Variants in EXT1 observed in about 807,000 individuals in gnomAD.
The protein encoded by EXT1 is exostosin-1.
In EXT1, 20 loss-of-function variants were observed where a neutral mutation model predicts 82.5. The ratio of observed to expected loss-of-function variants is 0.24; its 90% CI spans 0.17 to 0.35. EXT1 has a LOEUF of 0.35. Among genes scored for constraint, EXT1 ranks in the 10% least tolerant of loss-of-function variants. EXT1 has a pLI of 1.00. For missense variants in EXT1, 757 were observed against 936.5 expected, an observed-to-expected ratio of 0.81 and a Z score of 2.50; for synonymous variants, 348 against 350.8, an observed-to-expected ratio of 0.99 and a Z score of 0.09.
At chr8:117,957,938 C>T (rs796371192) in intron 1 of EXT1, among the ~76,000 whole-genome samples, 5 of 152,278 alleles carry the variant, frequency 3.3e-5, no homozygotes, top group African/African-American at 9.6e-5. Flanking sequence ...TTATCACCAA[C>T]AGATGTTGAG....
chr8:117,997,302 T>C (rs895967549), intron 1 of EXT1, among the ~76,000 whole-genome samples: 5 of 142,770 alleles, frequency 3.5e-5, no homozygotes, highest in African/African-American at 7.8e-5. Context: ...TAATATACTT[T>C]ATATATATAT....
chr8:117,998,015 CTTTTT>C (rs11324491), intron 1 of EXT1, among the ~76,000 whole-genome samples: 1 of 125,656 alleles, frequency 8.0e-6, no homozygotes, highest in Admixed American at 8.4e-5. Flanking sequence ...TTTTATTTTA[CTTTTT>C]TTTTTTTTTT....
chr8:118,041,935 G>A (rs1212807918), intron 1 of EXT1, among the ~76,000 whole-genome samples: 3 of 144,414 alleles, frequency 2.1e-5, no homozygotes, highest in Admixed American at 1.4e-4. Flanking sequence ...GTGACAGAGC[G>A]AGACTCTGCC....
At position 117,812,972 on chromosome 8, in the gene EXT1, G is replaced by A. The variant is rs1222498581; in HGVS notation, c.1633-11C>T. On this transcript the variant is annotated splice_polypyrimidine_tract_variant and intron_variant, in intron 7 of 10. Transcript: ENST00000378204. Reference sequence around the variant, plus strand: ...ACGGCTGCTCATAACCTGGGAGGAAGTAGAAGTAGGCAGTGGGGAGGGAAT... The same window carrying A: ...ACGGCTGCTCATAACCTGGGAGGAAATAGAAGTAGGCAGTGGGGAGGGAAT... 4.3e-6 allele frequency: 7 copies of A among 1,611,170 alleles called. No individual in the cohort carries two copies. The highest frequency in any genetic ancestry group is 2.2e-5 in the East Asian group (1 of 44,814).
chr8:117,849,157 T>C (rs1812414279), intron 1 of EXT1, among the ~76,000 whole-genome samples: 1 of 152,210 alleles, frequency 6.6e-6, no homozygotes, highest in Non-Finnish European at 1.5e-5. Flanking sequence ...AGCATTCAAA[T>C]AGCCCCTTCT....
chr8:117,817,649 A>C (rs993948917), intron 7 of EXT1, among the ~76,000 whole-genome samples: 1 of 152,204 alleles, frequency 6.6e-6, no homozygotes, highest in African/African-American at 2.4e-5. Context: ...GGGGTGGTCA[A>C]GACTTACAAA....
At chr8:118,094,937 G>A (rs1440188015) in intron 1 of EXT1, among the ~76,000 whole-genome samples, 1 of 152,184 alleles carries the variant, frequency 6.6e-6, no homozygotes, top group Non-Finnish European at 1.5e-5. Flanking sequence ...CTTCTCTCCA[G>A]ACAAAACTGT....
At chr8:117,844,315 G>A (rs749238937) in intron 1 of EXT1, among the ~76,000 whole-genome samples, 4 of 151,814 alleles carry the variant, frequency 2.6e-5, no homozygotes, top group African/African-American at 9.7e-5. Context: ...ACCATGTCAA[G>A]CTAATTTTTA....
intron 1 of EXT1, among the ~76,000 whole-genome samples, chr8:118,104,267 T>C (rs1334345113): frequency 6.6e-6 from 1 of 152,246 alleles, no homozygotes; most frequent in Non-Finnish European, 1.5e-5. Context: ...TACAGGAGCC[T>C]GGTCAAGGTG....
At chr8:118,002,957 T>G (rs895476114) in intron 1 of EXT1, among the ~76,000 whole-genome samples, 2 of 152,012 alleles carry the variant, frequency 1.3e-5, no homozygotes, top group African/African-American at 4.8e-5. Context: ...AATTCCCAAT[T>G]GCAAAAATAT....
rs567242374 is a variant in EXT1, at chr8:118,091,700, G to A, written c.962+18385C>T. ...GCGGAGCTTGCAATGAGCCAAGATC[G>A]CACCATTGCACTCCAGCCTGGGCGA... On this transcript the variant is annotated intron_variant, in intron 1 of 10. Coordinates refer to ENST00000378204, the MANE Select transcript of EXT1 (RefSeq NM_000127.3). 2.0e-5 allele frequency among the ~76,000 whole-genome samples: 3 copies of A among 152,056 alleles called. No individual in the cohort carries two copies. In the South Asian group the frequency reaches 6.2e-4, roughly 32 times the overall value.
intron 1 of EXT1, among the ~76,000 whole-genome samples, chr8:117,919,352 A>C (rs891253701): frequency 6.6e-6 from 1 of 151,554 alleles, no homozygotes; most frequent in Non-Finnish European, 1.5e-5. Flanking sequence ...ACACCAGGCT[A>C]TTTTTGTTGT....
intron 1 of EXT1, among the ~76,000 whole-genome samples, chr8:117,922,973 A>G (rs1306506125): frequency 6.6e-6 from 1 of 152,124 alleles, no homozygotes; most frequent in Non-Finnish European, 1.5e-5. Context: ...TTCATTTTAT[A>G]GATATAAGAA....
intron 1 of EXT1, among the ~76,000 whole-genome samples, chr8:117,995,762 T>C (rs1815523280): frequency 2.0e-5 from 3 of 152,224 alleles, no homozygotes; most frequent in South Asian, 4.1e-4. Context: ...GCTTACCATG[T>C]ATTATCATGG....
intron 4 of EXT1, among the ~76,000 whole-genome samples, chr8:117,827,995 A>G (rs1314713217): frequency 6.6e-6 from 1 of 152,008 alleles, no homozygotes; most frequent in East Asian, 1.9e-4. Flanking sequence ...TTTAATAATT[A>G]GATGATATCA....
chr8:118,109,442 A>AATGCATGCATGC (rs66559930), intron 1 of EXT1, among the ~76,000 whole-genome samples: 2 of 150,444 alleles, frequency 1.3e-5, no homozygotes, highest in South Asian at 4.2e-4. Flanking sequence ...TGAATGAATG[A>AATGCATGCATGC]ATGCATGCAT....
Position 118,087,818 on chromosome 8 carries a change from C to A in EXT1, c.962+22267G>T, listed in dbSNP as rs2290704. Among the ~76,000 whole-genome samples the A allele has an allele frequency of 1.3e-4, 20 of 151,914 alleles. No homozygotes were observed. In the East Asian group the frequency reaches 3.7e-3, roughly 28 times the overall value. On this transcript the variant is annotated intron_variant, in intron 1 of 10. Coordinates refer to ENST00000378204, the MANE Select transcript of EXT1 (RefSeq NM_000127.3). Reference sequence around the variant, plus strand: ...ACATAAAAACCTGGTAGAAACAAGCCCATTCTCAGGCTTATAAAACAAGCC... The same window carrying A: ...ACATAAAAACCTGGTAGAAACAAGCACATTCTCAGGCTTATAAAACAAGCC...
In EXT1 at chr8:118,019,017, C is replaced by G. The variant is rs113372503; in HGVS notation, c.962+91068G>C. ...AATCTACGGTTCAATAAAAAAGCAA[C>G]TACTGCACCTATCATGGCAAAGCTG... On this transcript the variant is annotated intron_variant, in intron 1 of 10. Coordinates refer to ENST00000378204, the MANE Select transcript of EXT1 (RefSeq NM_000127.3). Among the ~76,000 whole-genome samples the G allele has an allele frequency of 2.5e-3, 385 of 151,876 alleles. 3 individuals carry two copies. Among genetic ancestry groups the G allele is most frequent in the South Asian group, 0.016 (75 of 4,816 alleles).
chr8:117,997,912 T>C (rs1276489161), intron 1 of EXT1, among the ~76,000 whole-genome samples: 2 of 152,112 alleles, frequency 1.3e-5, no homozygotes, highest in African/African-American at 4.8e-5. Context: ...CCCTGTAACA[T>C]CCTTCATGGT....
Sources: gnomAD v4.1 joint callset for allele counts (sites outside exome capture counted in the v4.1 genomes callset) on GRCh38, gnomAD v4.1.1 for gene constraint, MANE v1.5 for transcripts, NCBI Gene and HGNC (gene_info 2026-07-23, HGNC 2026-07-21) for gene names.